Variants in PRICKLE2 observed in about 807,000 individuals in gnomAD.
The protein encoded by PRICKLE2 is prickle-like protein 2.
A neutral mutation model predicts 81.4 loss-of-function variants in PRICKLE2; 21 were observed. The observed-to-expected ratio is 0.26, with a 90% CI of 0.18 to 0.37. The LOEUF (loss-of-function observed/expected upper bound fraction) is 0.37, where lower values mean the gene tolerates loss of function less well. Ranked by LOEUF, PRICKLE2 falls within the 10% of genes least tolerant of loss-of-function variation. The pLI is 1.00. For missense variants in PRICKLE2, 940 were observed against 1,109.0 expected (o/e 0.85, Z 2.16); for synonymous variants, 456 against 421.5 (o/e 1.08, Z -1.00).
chr3:64,194,874 C>G (rs1007293468), intron 2 of PRICKLE2, among the ~76,000 whole-genome samples: 3 of 151,956 alleles, frequency 2.0e-5, no homozygotes, highest in Admixed American at 1.3e-4. Context: ...AGACCCCCTT[C>G]TGTACAAAAA....
chr3:64,176,540 A>T (rs1168233418), intron 2 of PRICKLE2, among the ~76,000 whole-genome samples: 1 of 152,226 alleles, frequency 6.6e-6, no homozygotes, highest in East Asian at 1.9e-4. Context: ...CAAGTGTCCA[A>T]AGTGATTCAT....
intron 2 of PRICKLE2, among the ~76,000 whole-genome samples, chr3:64,168,920 C>T (rs1034091659): frequency 6.6e-6 from 1 of 152,148 alleles, no homozygotes; most frequent in Non-Finnish European, 1.5e-5. Flanking sequence ...CTCCAAATTA[C>T]AGTCTTTCCA....
chr3:64,236,864 A>G (rs2079188751), intron 2 of PRICKLE2, among the ~76,000 whole-genome samples: 1 of 152,268 alleles, frequency 6.6e-6, no homozygotes, highest in Admixed American at 6.5e-5. Flanking sequence ...CAAATACACC[A>G]GGAGTGCTCA....
chr3:64,188,188 C>A (rs181450829), intron 2 of PRICKLE2, among the ~76,000 whole-genome samples: 186 of 152,290 alleles, frequency 1.2e-3, no homozygotes, highest in African/African-American at 4.4e-3. Flanking sequence ...TATTTGGTGT[C>A]TGCTTTGTCC....
chr3:64,162,548 G>T (rs564621530), intron 3 of PRICKLE2, among the ~76,000 whole-genome samples: 160 of 152,292 alleles, frequency 1.1e-3, no homozygotes, highest in African/African-American at 3.8e-3. Context: ...TACAAATCTG[G>T]ACATGTAATT....
intron 1 of PRICKLE2, among the ~76,000 whole-genome samples, chr3:64,213,680 G>C (rs922287687): frequency 6.6e-6 from 1 of 152,072 alleles, no homozygotes; most frequent in Non-Finnish European, 1.5e-5. Context: ...TTCATTTTGG[G>C]GGTGTGATTT....
chr3:64,251,377 C>T (rs1010882328), intron 2 of PRICKLE2, among the ~76,000 whole-genome samples: 1 of 152,230 alleles, frequency 6.6e-6, no homozygotes, highest in African/African-American at 2.4e-5. Context: ...GCCACCACTT[C>T]TGCATGTCCT....
chr3:64,130,339 G>A (rs1196652695), intron 7 of PRICKLE2, among the ~76,000 whole-genome samples: 1 of 152,120 alleles, frequency 6.6e-6, no homozygotes, highest in South Asian at 2.1e-4. Flanking sequence ...GTTTTTATAG[G>A]TGGGGAAATT....
intron 2 of PRICKLE2, among the ~76,000 whole-genome samples, chr3:64,184,300 A>G (rs1321718805): frequency 3.3e-5 from 5 of 152,326 alleles, no homozygotes; most frequent in African/African-American, 1.2e-4. Context: ...ACAAGGTAAA[A>G]CAACTTGCTC....
chr3:64,101,752 A>G (rs774892101), intron 7 of PRICKLE2: 1 of 152,234 alleles, frequency 6.6e-6, no homozygotes, highest in Non-Finnish European at 1.5e-5. Context: ...AAGTCATTTT[A>G]TAACCATTGG....
chr3:64,228,413 T>C (rs2079057898), upstream of PRICKLE2, among the ~76,000 whole-genome samples: 1 of 152,328 alleles, frequency 6.6e-6, no homozygotes, highest in South Asian at 2.1e-4. Context: ...TGAGCTCAGC[T>C]TGGTGATGAG....
chr3:64,115,309 C>A (rs936119588), intron 7 of PRICKLE2, among the ~76,000 whole-genome samples: 14 of 151,854 alleles, frequency 9.2e-5, no homozygotes, highest in African/African-American at 3.1e-4. Context: ...GCAAAATAAC[C>A]AGCTAACATA....
At chr3:64,146,452 CG>C (rs1471464162) in intron 7 of PRICKLE2, 1 of 239,766 alleles carries the variant, frequency 4.2e-6, no homozygotes, top group African/African-American at 2.2e-5. Flanking sequence ...CATTAAAATC[CG>C]GAGGACCAGG....
chr3:64,117,530 A>G (rs900511187), intron 7 of PRICKLE2, among the ~76,000 whole-genome samples: 4 of 152,214 alleles, frequency 2.6e-5, no homozygotes, highest in Non-Finnish European at 1.5e-5. Flanking sequence ...AATGTGGAAA[A>G]ATCACTAGCA....
At chr3:64,252,761 C>T (rs1327023586) in intron 2 of PRICKLE2, among the ~76,000 whole-genome samples, 1 of 152,144 alleles carries the variant, frequency 6.6e-6, no homozygotes. Flanking sequence ...TAAAACCTCA[C>T]TGGATTAGAT....
Position 64,094,753 on chromosome 3 carries a change from A to ACAAG in PRICKLE2, c.*4294_*4297dup, listed in dbSNP as rs769427114. 6.5e-6 allele frequency: 1 copy of ACAAG among 152,684 alleles called. No homozygotes were observed. The highest frequency in any genetic ancestry group is 1.5e-5 in the Non-Finnish European group (1 of 68,048). 9.5% of individuals were successfully genotyped at this position (152,684 alleles called of 1,614,324 possible). ...GCACCAGAGGGACAAACCACTGGAG[A>ACAAG]CAAGGCAAAGGCCATTTCTACTTCT... On this transcript the variant is annotated 3_prime_UTR_variant, in exon 8 of 8. Coordinates refer to ENST00000638394, the MANE Select transcript of PRICKLE2 (RefSeq NM_198859.4).
At chr3:64,156,146 G>T (rs1353876660) in intron 5 of PRICKLE2, among the ~76,000 whole-genome samples, 2 of 152,150 alleles carry the variant, frequency 1.3e-5, no homozygotes, top group African/African-American at 4.8e-5. Flanking sequence ...AAGGTCAAAA[G>T]GTGTTCTAGA....
At position 64,245,742 on chromosome 3, in the gene PRICKLE2, T is replaced by C. The variant is rs566342622; in HGVS notation, c.129-46775A>G. ...CAACGGAATGGGCAGCTAAGCATTG[T>C]TCAGCTGAAGATCCAGGGTTTGAAA... On this transcript the variant is annotated intron_variant, in intron 2 of 8. Transcript: ENST00000295902. Among the ~76,000 whole-genome samples the C allele has an allele frequency of 1.2e-4, 18 of 152,276 alleles. No individual in the cohort carries two copies. In the South Asian group the frequency reaches 1.2e-3, roughly 11 times the overall value.
At chr3:64,200,467 T>C (rs1480005781) in intron 1 of PRICKLE2, 2 of 152,224 alleles carry the variant, frequency 1.3e-5, no homozygotes, top group African/African-American at 4.8e-5. Flanking sequence ...TGTTTTGTTT[T>C]GTTTTTTGAG....
Sources: allele counts gnomAD v4.1 joint callset (sites outside exome capture counted in the v4.1 genomes callset), GRCh38; gene constraint gnomAD v4.1.1; transcripts MANE v1.5; gene names NCBI Gene and HGNC (gene_info 2026-07-23, HGNC 2026-07-21).